THBS4: variants seen among roughly 807,000 people sequenced by gnomAD.
The protein encoded by THBS4 is thrombospondin 4, also known as thrombospondin-4.
Under a neutral mutation model 115.7 loss-of-function variants are expected in THBS4, and 90 were observed. The ratio of observed to expected loss-of-function variants is 0.78; its 90% confidence interval spans 0.66 to 0.93. THBS4 has a LOEUF of 0.93. Among genes scored for constraint, THBS4 ranks in the 40% least tolerant of loss-of-function variants. The pLI is 0.00. For synonymous variants in THBS4, 460 were observed against 479.3 expected (o/e 0.96, Z 0.53); for missense variants, 1,087 against 1,232.7 (o/e 0.88, Z 1.77).
Position 80,040,269 on chromosome 5 carries a change from G to A in THBS4, c.281G>A (p.Arg94His), listed in dbSNP as rs771613271. The A allele has an allele frequency of 8.7e-6, 14 of 1,612,602 alleles. No individual in the cohort carries two copies. The Admixed American group carries it at 1.3e-4, about 15-fold the overall frequency. The change falls in exon 2 of 22, where the codon CGC becomes CAC. Residue 94 changes from arginine (R) to histidine (H), a missense_variant. Arg to His is a conservative substitution (Grantham distance 29). Around this residue, in one of 3 missense-constraint regions of THBS4, gnomAD observed 979 missense variants for 1,103.7 expected, o/e 0.89. Coordinates refer to ENST00000350881, the MANE Select transcript of THBS4 (RefSeq NM_003248.6). ...SKYFEFTVMG[R>H]LNKAILRYLK... ...TATTTTGAATTTACTGTGATGGGAC[G>A]CTTAAACAAAGGTAAGCAAATTTGC...
At chr5:80,005,402 T>C (rs1430130883) in intron 2 of THBS4, among the ~76,000 whole-genome samples, 1 of 152,238 alleles carries the variant, frequency 6.6e-6, no homozygotes, top group Non-Finnish European at 1.5e-5. Context: ...TGCAGTTATC[T>C]GAATTAAGTG....
chr5:80,017,872 CT>C (rs1187231824), intron 2 of THBS4, among the ~76,000 whole-genome samples: 2 of 151,356 alleles, frequency 1.3e-5, no homozygotes, highest in South Asian at 2.1e-4. Context: ...TGGGATTGAT[CT>C]TTTTTTTTCT....
chr5:80,002,923 G>GA (rs1194317492), intron 2 of THBS4, among the ~76,000 whole-genome samples: 1,194 of 118,940 alleles, frequency 0.01, 10 homozygotes, highest in African/African-American at 0.026. Flanking sequence ...AAGATCATTT[G>GA]AAAAAAAAAA....
At chr5:80,026,910 T>A (rs912183875) in intron 2 of THBS4, among the ~76,000 whole-genome samples, 1 of 152,230 alleles carries the variant, frequency 6.6e-6, no homozygotes, top group African/African-American at 2.4e-5. Context: ...ATTCCCATTC[T>A]GATTTACCAG....
chr5:80,045,757 G>T (rs567525500), intron 2 of THBS4, among the ~76,000 whole-genome samples: 62 of 151,886 alleles, frequency 4.1e-4, no homozygotes, highest in Non-Finnish European at 7.9e-4. Context: ...TCTCAAACTC[G>T]CGACCTCAGA....
intron 15 of THBS4, among the ~76,000 whole-genome samples, chr5:80,075,595 A>G (rs143005906): frequency 8.1e-4 from 123 of 152,306 alleles, no homozygotes; most frequent in Non-Finnish European, 1.5e-3. Flanking sequence ...TCTGACTACT[A>G]TCTACATTAA....
At chr5:80,080,318 G>A (rs531737811) in intron 20 of THBS4, 3 of 497,782 alleles carry the variant, frequency 6.0e-6, no homozygotes, top group Non-Finnish European at 1.1e-5. Flanking sequence ...GAGCTGAGGG[G>A]ACGACCCAGC....
chr5:80,018,560 A>G (rs937993435), intron 2 of THBS4, among the ~76,000 whole-genome samples: 3 of 151,594 alleles, frequency 2.0e-5, no homozygotes, highest in African/African-American at 4.8e-5. Context: ...ACACCCGGCT[A>G]ATTTTTGTAC....
At chr5:80,082,973 G>A (rs1743598437) in intron 21 of THBS4, 107 bp from the exon 22 acceptor site, 1 of 658,626 alleles carries the variant, frequency 1.5e-6, no homozygotes, top group Non-Finnish European at 2.2e-6. Flanking sequence ...GGGGCGTCCT[G>A]GGCGGGCTAA....
intron 9 of THBS4, chr5:80,067,339 A>AT (rs981932871): frequency 6.6e-6 from 1 of 151,772 alleles, no homozygotes; most frequent in Non-Finnish European, 1.5e-5. Flanking sequence ...TTTAATTTTC[A>AT]TTTTTTAAAC....
At chr5:80,058,937 C>T in intron 5 of THBS4, 147 bp downstream of exon 5, 1 of 700,886 alleles carries the variant, frequency 1.4e-6, no homozygotes, top group Admixed American at 3.0e-5. Flanking sequence ...CGCCAGGGCT[C>T]TGCTGGAAGT....
chr5:80,006,251 T>C (rs765051912), intron 2 of THBS4, among the ~76,000 whole-genome samples: 1 of 152,190 alleles, frequency 6.6e-6, no homozygotes, highest in Non-Finnish European at 1.5e-5. Flanking sequence ...CTCATTTGAA[T>C]TGTACTCCCA....
At chr5:80,070,863 G>A in intron 12 of THBS4, 113 bp downstream of exon 12, 1 of 1,553,462 alleles carries the variant, frequency 6.4e-7, no homozygotes, top group Non-Finnish European at 8.8e-7. Flanking sequence ...TTCCATGCCT[G>A]CATTCCACAG....
intron 2 of THBS4, among the ~76,000 whole-genome samples, chr5:80,020,588 A>G (rs1832351234): frequency 6.6e-6 from 1 of 152,226 alleles, no homozygotes; most frequent in Non-Finnish European, 1.5e-5. Flanking sequence ...CCAACTGTAC[A>G]AGGGGGAATG....
At chr5:80,082,761 G>A (rs1743585302) in intron 21 of THBS4, among the ~76,000 whole-genome samples, 1 of 152,222 alleles carries the variant, frequency 6.6e-6, no homozygotes, top group South Asian at 2.1e-4. Context: ...TAACTGCATG[G>A]TTTAGGGTTT....
intron 2 of THBS4, among the ~76,000 whole-genome samples, chr5:80,005,224 A>C (rs530892141): frequency 1.3e-5 from 2 of 152,324 alleles, no homozygotes; most frequent in East Asian, 3.9e-4. Context: ...GCTACTAAAC[A>C]GAAAATTCAG....
intron 3 of THBS4, among the ~76,000 whole-genome samples, chr5:80,056,739 C>T (rs1374260626): frequency 6.6e-6 from 1 of 151,776 alleles, no homozygotes; most frequent in Admixed American, 6.5e-5. Context: ...GAATTTCATC[C>T]GCTATATAAG....
chr5:80,060,717 C>A (rs1833603841), intron 7 of THBS4, among the ~76,000 whole-genome samples: 1 of 152,134 alleles, frequency 6.6e-6, no homozygotes, highest in Non-Finnish European at 1.5e-5. Context: ...CATGATGGCA[C>A]CACTGCACTC....
At chr5:80,044,702 G>A (rs1833007506) in intron 2 of THBS4, among the ~76,000 whole-genome samples, 2 of 151,780 alleles carry the variant, frequency 1.3e-5, no homozygotes, top group South Asian at 4.2e-4. Context: ...TGGGCTTACA[G>A]GTCTGAGCCA....
Sources: gnomAD v4.1 joint callset for allele counts (sites outside exome capture counted in the v4.1 genomes callset) on GRCh38, gnomAD v4.1.1 for gene constraint, gnomAD v4.1.1 regional missense constraint, MANE v1.5 for transcripts, NCBI Gene and HGNC (gene_info 2026-07-23, HGNC 2026-07-21) for gene names.